Variants in TUBGCP5 observed in about 807,000 individuals in gnomAD.
The protein encoded by TUBGCP5 is tubulin gamma complex component 5.
Under a neutral mutation model 134.7 loss-of-function variants are expected in TUBGCP5, and 98 were observed. The observed-to-expected ratio is 0.73, with a 90% CI of 0.62 to 0.86. The LOEUF is 0.86. TUBGCP5 is among the 40% of genes least tolerant of loss of function. The pLI, the probability that TUBGCP5 is intolerant of heterozygous loss-of-function variation, is 0.00. For synonymous variants in TUBGCP5, 456 were observed against 431.4 expected (o/e 1.06, Z -0.71); for missense variants, 1,150 against 1,244.8 (o/e 0.92, Z 1.15).
chr15:23,011,341 A>G lies in TUBGCP5; in HGVS notation c.1757-10T>C. ...CTTTTTCTTTCTGCATCTGAAACAT[A>G]AAGAAATATGTAAGGTGAACTAAGT... On this transcript the variant is annotated splice_polypyrimidine_tract_variant and intron_variant, in intron 13 of 22. Coordinates refer to ENST00000615383, the MANE Select transcript of TUBGCP5 (RefSeq NM_052903.6). 1 of 1,604,518 alleles carries G rather than the reference A, an allele frequency of 6.2e-7. No homozygotes were observed. The highest frequency in any genetic ancestry group is 8.5e-7 in the Non-Finnish European group (1 of 1,173,356).
chr15:23,010,011 G>A lies in TUBGCP5; in HGVS notation c.2078C>T (p.Pro693Leu), dbSNP rs2064943218. The A allele has an allele frequency of 6.2e-7, 1 of 1,613,980 alleles. No individual in the cohort carries two copies. Among genetic ancestry groups the A allele is most frequent in the Admixed American group, 1.7e-5 (1 of 60,000 alleles). The change falls in exon 15 of 23, where the codon CCT becomes CTT. Residue 693 changes from proline (P) to leucine (L), a missense_variant. Pro to Leu is a moderately conservative substitution (Grantham distance 98). Coordinates refer to ENST00000615383, the MANE Select transcript of TUBGCP5 (RefSeq NM_052903.6). ...FELTLRSCLY[P>L]HIDKQYLDCC... The stretch of plus-strand genomic sequence containing the variant: ...ATCTAGATACTGCTTGTCAATATGA[G>A]GATAGAGGCAGGATCTCAGCGTTAA...
At chr15:22,985,339 C>T (rs540507841) in intron 23 of TUBGCP5, among the ~76,000 whole-genome samples, 122 of 152,114 alleles carry the variant, frequency 8.0e-4, no homozygotes, top group African/African-American at 2.8e-3. Flanking sequence ...CTGCCTCAGC[C>T]TTCCGAGTAG....
chr15:23,025,707 T>G (rs2065943886), intron 8 of TUBGCP5, among the ~76,000 whole-genome samples: 2 of 152,016 alleles, frequency 1.3e-5, no homozygotes, highest in Non-Finnish European at 2.9e-5. Flanking sequence ...GGTGGGTTCC[T>G]GTAGTCCCAG....
At chr15:23,003,010 G>A (rs2064479167) in intron 21 of TUBGCP5, 55 bp downstream of exon 21, 4 of 1,574,978 alleles carry the variant, frequency 2.5e-6, no homozygotes, top group Non-Finnish European at 3.5e-6. Context: ...TAAAAAAAAG[G>A]GAAGCTGAAG....
In TUBGCP5 at chr15:22,999,671, G is replaced by C. The variant is rs181113881; in HGVS notation, c.*149C>G. 299 of 829,486 alleles carry C rather than the reference G, an allele frequency of 3.6e-4. No homozygotes were observed. Among genetic ancestry groups the C allele is most frequent in the Middle Eastern group, 1.9e-3 (8 of 4,286 alleles). 51.4% of individuals were successfully genotyped at this position (829,486 alleles called of 1,614,324 possible). A position where few individuals can be genotyped will look rare whatever the true frequency, so the allele number is the denominator to read the frequency against. ...CTGTCTTGGCCTCCCATCGTGCTGG[G>C]ATTAGAGGCATGAGCGACTGTGCCA... is the stretch of plus-strand genomic sequence containing the variant. On this transcript the variant is annotated 3_prime_UTR_variant, in exon 23 of 23. Transcript: ENST00000615383.
intron 8 of TUBGCP5, among the ~76,000 whole-genome samples, chr15:23,025,094 G>A (rs535662147): frequency 1.3e-5 from 2 of 152,090 alleles, no homozygotes; most frequent in South Asian, 4.2e-4. Context: ...TAGATACGGG[G>A]TTTCACCATG....
chr15:23,034,099 T>C, intron 3 of TUBGCP5, among the ~76,000 whole-genome samples: 1 of 152,312 alleles, frequency 6.6e-6, no homozygotes, highest in African/African-American at 2.4e-5. Context: ...TGCTCAGATC[T>C]TGAACCATGT....
rs772740830 is a variant in TUBGCP5 at position 23,022,143 on chromosome 15, G to A, written c.1187C>T (p.Ala396Val). ...AGGTGCCAACTTGTCCACCACTATT[G>A]CAAGAGTTATTGTAGTATCTGCAAA... ...IINNDTTITLAIVVDKLAPRL... is the reference protein window; with the variant it reads ...IINNDTTITLVIVVDKLAPRL... The change falls in exon 11 of 23, where the codon GCA (alanine) becomes GTA (valine). Residue 396 changes from alanine to valine, a missense_variant. Physicochemically the swap from Ala to Val is moderately conservative, Grantham distance 64 (BLOSUM62 0). This residue lies in a region of TUBGCP5 where 697 missense variants were observed against 850.1 expected (regional missense o/e 0.82). Coordinates refer to ENST00000615383, the MANE Select transcript of TUBGCP5 (RefSeq NM_052903.6). The A allele has an allele frequency of 6.2e-7, 1 of 1,614,136 alleles. No individual in the cohort carries two copies.
chr15:23,024,964 T>TG, intron 8 of TUBGCP5, 134 bp from the exon 9 acceptor site: 1 of 596,882 alleles, frequency 1.7e-6, no homozygotes, highest in Non-Finnish European at 3.0e-6. Flanking sequence ...TGCAGCAGCA[T>TG]GATCACAGCT....
At chr15:22,988,310 G>A (rs576024340) in intron 23 of TUBGCP5, among the ~76,000 whole-genome samples, 3 of 152,044 alleles carry the variant, frequency 2.0e-5, no homozygotes, top group African/African-American at 7.3e-5. Flanking sequence ...GAGTGAAGCA[G>A]CCACACAGCC....
At chr15:23,020,272 T>A (rs1382008538) in intron 11 of TUBGCP5, among the ~76,000 whole-genome samples, 1 of 151,478 alleles carries the variant, frequency 6.6e-6, no homozygotes, top group Non-Finnish European at 1.5e-5. Context: ...ATGGGCATGG[T>A]GGTGGGCGCC....
At chr15:23,027,698 G>A (rs903967217) in intron 6 of TUBGCP5, among the ~76,000 whole-genome samples, 2 of 151,954 alleles carry the variant, frequency 1.3e-5, no homozygotes, top group African/African-American at 4.8e-5. Context: ...AGTGATCTGA[G>A]ATCATGCCAC....
At chr15:23,035,329 T>TTAAAAAA (rs1555446188) in intron 3 of TUBGCP5, among the ~76,000 whole-genome samples, 1 of 134,618 alleles carries the variant, frequency 7.4e-6, no homozygotes, top group African/African-American at 2.8e-5. Context: ...CACTCAGTCT[T>TTAAAAAA]AAAAAAAAAA....
In TUBGCP5 at chr15:23,013,236, A is replaced by C. The variant is rs2065136089; in HGVS notation, c.1757-1905T>G. 6.6e-6 allele frequency among the ~76,000 whole-genome samples: 1 copy of C among 151,870 alleles called. No homozygotes were observed. The highest frequency in any genetic ancestry group is 6.6e-5 in the Admixed American group (1 of 15,254). Reference sequence around the variant, plus strand: ...AGGAGGCCGAGGCGGGCGGATCATGAGGTCAGGGGATCGAGACCATACTGG... The same window carrying C: ...AGGAGGCCGAGGCGGGCGGATCATGCGGTCAGGGGATCGAGACCATACTGG... On this transcript the variant is annotated intron_variant, in intron 13 of 22. Coordinates refer to ENST00000615383, the MANE Select transcript of TUBGCP5 (RefSeq NM_052903.6). The surrounding 1 kb of genome is among the most constrained non-coding windows in gnomAD (Gnocchi z 4.5).
In TUBGCP5 at chr15:23,019,348, T is replaced by C. The variant is rs1269161417; in HGVS notation, c.1372-14A>G. 11 of 1,577,790 alleles carry C rather than the reference T, an allele frequency of 7.0e-6. No individual in the cohort carries two copies. In the Admixed American group the frequency reaches 1.3e-4, roughly 19 times the overall value. ...AAGGAGGGAGACCTGAGGCAGAGAGTGTGCACGGTCAGCTCTCAGGGTTCC... is the reference window on the plus strand; with the variant it reads ...AAGGAGGGAGACCTGAGGCAGAGAGCGTGCACGGTCAGCTCTCAGGGTTCC... On this transcript the variant is annotated splice_polypyrimidine_tract_variant and intron_variant, in intron 11 of 22. Transcript: ENST00000615383.
At position 23,009,957 on chromosome 15, in the gene TUBGCP5, T is replaced by C. The variant is rs778153109; in HGVS notation, c.2132A>G (p.Lys711Arg). Reference protein sequence around the residue: ...DCCGNLMQTLKKDYRLVEYLQ... With the variant: ...DCCGNLMQTLRKDYRLVEYLQ... ...ATTACTCTTTTACCTGTAATCTTTTTTTAGAGTTTGCATGAGATTTCCACA... is the reference window on the plus strand; with the variant it reads ...ATTACTCTTTTACCTGTAATCTTTTCTTAGAGTTTGCATGAGATTTCCACA... The change falls in exon 15 of 23, where the codon AAA (lysine) becomes AGA (arginine). Residue 711 changes from lysine (K) to arginine (R), a missense_variant. Coordinates refer to ENST00000615383, the MANE Select transcript of TUBGCP5 (RefSeq NM_052903.6). 8 of 1,612,648 alleles carry C rather than the reference T, an allele frequency of 5.0e-6. No homozygotes were observed. The highest frequency in any genetic ancestry group is 4.4e-5 in the South Asian group (4 of 90,890).
intron 13 of TUBGCP5, among the ~76,000 whole-genome samples, chr15:23,011,790 C>T (rs925759516): frequency 6.8e-6 from 1 of 146,900 alleles, no homozygotes; most frequent in Admixed American, 6.8e-5. Context: ...GGATTACAGG[C>T]GTGAGCCACT....
chr15:22,989,925 C>T (rs998949606), intron 23 of TUBGCP5, among the ~76,000 whole-genome samples: 1 of 152,186 alleles, frequency 6.6e-6, no homozygotes, highest in African/African-American at 2.4e-5. Flanking sequence ...AACATGTGGA[C>T]TCCAACCAAG....
rs57631069 is a variant in TUBGCP5, at chr15:23,016,969, G to GATATATATATAT, written c.1756+792_1756+803dup. Among the ~76,000 whole-genome samples the GATATATATATAT allele has an allele frequency of 1.1e-3, 125 of 109,410 alleles. 5 individuals carry two copies. Among genetic ancestry groups the GATATATATATAT allele is most frequent in the South Asian group, 7.0e-3 (22 of 3,140 alleles). The allele number at this position is 109,410 out of a possible 152,430, so 71.8% of individuals were successfully genotyped here. On this transcript the variant is annotated intron_variant, in intron 13 of 22. Coordinates refer to ENST00000615383, the MANE Select transcript of TUBGCP5 (RefSeq NM_052903.6). Reference sequence around the variant, plus strand: ...AGATGAATGGGTAAAAAAATTGTGAGATATATATATATATATATGTATATA... The same window carrying GATATATATATAT: ...AGATGAATGGGTAAAAAAATTGTGAGATATATATATATATATATATATATATATATGTATATA...
Sources: gnomAD v4.1 joint callset for allele counts (sites outside exome capture counted in the v4.1 genomes callset) on GRCh38, gnomAD v4.1.1 for gene constraint, gnomAD v4.1.1 regional missense constraint, Gnocchi (gnomAD v3.1) non-coding constraint, MANE v1.5 for transcripts, NCBI Gene and HGNC (gene_info 2026-07-23, HGNC 2026-07-21) for gene names.